FHAD1: variants seen among roughly 807,000 people sequenced by gnomAD.
FHAD1 encodes forkhead associated phosphopeptide binding domain 1, also known as forkhead-associated domain-containing protein 1.
A neutral mutation model predicts 191.3 loss-of-function variants in FHAD1; 146 were observed. The observed-to-expected ratio is 0.76, with a 90% CI of 0.67 to 0.88. The LOEUF is 0.88. Among genes scored for constraint, FHAD1 ranks in the 40% least tolerant of loss-of-function variants. The probability of loss-of-function intolerance (pLI) is 0.00; values close to 1 mark genes in which losing one functional copy is unlikely to be tolerated. For synonymous variants in FHAD1, 616 were observed against 672.3 expected, an observed-to-expected ratio of 0.92 and a Z score of 1.29; for missense variants, 1,635 against 1,785.8, an observed-to-expected ratio of 0.92 and a Z score of 1.52.
intron 21 of FHAD1, among the ~76,000 whole-genome samples, chr1:15,360,132 A>G (rs1270316349): frequency 1.3e-5 from 2 of 152,216 alleles, no homozygotes; most frequent in Non-Finnish European, 2.9e-5. Context: ...AACAACAACA[A>G]CAAAAAGTTT....
intron 14 of FHAD1, among the ~76,000 whole-genome samples, chr1:15,334,959 C>T (rs187750875): frequency 7.9e-5 from 12 of 152,202 alleles, no homozygotes; most frequent in African/African-American, 2.7e-4. Flanking sequence ...ACTCAGTCCA[C>T]GCCCCTCCAA....
chr1:15,307,813 C>G (rs999176502), intron 6 of FHAD1, among the ~76,000 whole-genome samples: 1 of 151,960 alleles, frequency 6.6e-6, no homozygotes, highest in African/African-American at 2.4e-5. Context: ...TCACTGCAAG[C>G]TCTGCCTCCC....
At position 15,341,823 on chromosome 1, in the gene FHAD1, G is replaced by C. The variant is rs12126178; in HGVS notation, c.2065G>C (p.Glu689Gln). The change falls in exon 16 of 34, where the codon GAG becomes CAG. Residue 689 changes from glutamate (E) to glutamine (Q), a missense_variant. By Grantham distance (29) the Glu-to-Gln change is conservative. Coordinates refer to ENST00000688493, the MANE Select transcript of FHAD1 (RefSeq NM_001391957.1). ...TCTGGCAGAGAAGGAGAAGCTGAAC[G>C]AGGAGAGGCTAGAGCAAGAGGAGAA... ...EHLAEKEKLNEERLEQEEKLK... is the reference protein window; with the variant it reads ...EHLAEKEKLNQERLEQEEKLK... The C allele has an allele frequency of 1.9e-6, 3 of 1,551,716 alleles. No individual in the cohort carries two copies. The highest frequency in any genetic ancestry group is 1.4e-5 in the African/African-American group (1 of 73,036).
intron 18 of FHAD1, among the ~76,000 whole-genome samples, chr1:15,348,693 G>T (rs942881823): frequency 9.2e-5 from 14 of 152,172 alleles, no homozygotes; most frequent in Non-Finnish European, 4.4e-5. Context: ...ATAGGAAGCT[G>T]CCCCCGCTGC....
At chr1:15,398,334 A>G (rs1195611950), downstream of FHAD1, among the ~76,000 whole-genome samples, 1 of 151,770 alleles carries the variant, frequency 6.6e-6, no homozygotes, top group Non-Finnish European at 1.5e-5. Context: ...AATCAGTTTT[A>G]TTGCTTCCAT....
chr1:15,377,161 A>T (rs1053710952), intron 28 of FHAD1, among the ~76,000 whole-genome samples: 1 of 152,250 alleles, frequency 6.6e-6, no homozygotes, highest in African/African-American at 2.4e-5. Context: ...CCGCAGCTGG[A>T]TCCACACCAC....
intron 12 of FHAD1, 57 bp from the exon 13 acceptor site, chr1:15,328,220 C>T (rs529254915): frequency 6.6e-5 from 92 of 1,386,768 alleles, no homozygotes; most frequent in Non-Finnish European, 8.7e-5. Context: ...CCTCAGGGCC[C>T]CCCACCCCTG....
At position 15,301,197 on chromosome 1, in the gene FHAD1, C is replaced by G; in HGVS notation, c.679-8C>G. 6.4e-7 allele frequency: 1 copy of G among 1,551,170 alleles called. No individual in the cohort carries two copies. Among genetic ancestry groups the G allele is most frequent in the Non-Finnish European group, 8.7e-7 (1 of 1,146,594 alleles). On this transcript the variant is annotated splice_region_variant and splice_polypyrimidine_tract_variant and intron_variant, in intron 5 of 33. Transcript: ENST00000688493. ...ACCTAGTAAGCCTCCCATCTGATCT[C>G]TACCCAGGATGAAATAATTCTGCTG... is the stretch of plus-strand genomic sequence containing the variant.
intron 2 of FHAD1, among the ~76,000 whole-genome samples, chr1:15,259,383 G>A (rs1040714160): frequency 2.2e-4 from 33 of 152,290 alleles, no homozygotes; most frequent in Admixed American, 1.8e-3. Context: ...GCTCAGAAAG[G>A]TTAAATAACT....
At chr1:15,367,425 G>A (rs1332928821) in intron 24 of FHAD1, 38 bp from the exon 25 acceptor site, 2 of 1,541,034 alleles carry the variant, frequency 1.3e-6, no homozygotes, top group Admixed American at 4.0e-5. Flanking sequence ...GAACCCGGGA[G>A]GCAGAGACCC....
intron 5 of FHAD1, among the ~76,000 whole-genome samples, chr1:15,297,723 C>T (rs1178582468): frequency 1.3e-5 from 2 of 152,288 alleles, no homozygotes; most frequent in African/African-American, 2.4e-5. Context: ...CAGCCGGTGG[C>T]GTGGCAGGGG....
intron 6 of FHAD1, chr1:15,305,823 A>C (rs535163151): frequency 2.3e-6 from 1 of 429,266 alleles, no homozygotes; most frequent in African/African-American, 2.1e-5. Context: ...TGGAACTGTA[A>C]GTCCAATTAA....
At chr1:15,334,414 C>G (rs1683128760) in intron 14 of FHAD1, 2 of 152,232 alleles carry the variant, frequency 1.3e-5, no homozygotes, top group African/African-American at 4.8e-5. Context: ...TAAACCGCAT[C>G]TGATTCCTAC....
At chr1:15,388,660 C>G (rs1427141293) in intron 32 of FHAD1, among the ~76,000 whole-genome samples, 1 of 152,008 alleles carries the variant, frequency 6.6e-6, no homozygotes, top group Non-Finnish European at 1.5e-5. Flanking sequence ...ACTTCTACCC[C>G]CGCCAAGGGG....
chr1:15,384,017 CAT>C (rs201192464), intron 31 of FHAD1: 22,409 of 263,970 alleles, frequency 0.085, 2,827 homozygotes, highest in African/African-American at 0.34. Flanking sequence ...TGTGTGTGCA[CAT>C]GTGTACCATG....
chr1:15,265,249 GT>G (rs1181214289), intron 2 of FHAD1, among the ~76,000 whole-genome samples: 7 of 152,202 alleles, frequency 4.6e-5, no homozygotes, highest in Non-Finnish European at 1.0e-4. Context: ...GTAAAGGGCT[GT>G]TTTGCAGATT....
Position 15,380,414 on chromosome 1 carries a change from C to T in FHAD1, c.3706-287C>T, listed in dbSNP as rs539589440. Among the ~76,000 whole-genome samples the T allele has an allele frequency of 1.3e-5, 2 of 152,276 alleles. 1 individual carries two copies. The highest frequency in any genetic ancestry group is 4.1e-4 in the South Asian group (2 of 4,820). ...AATGGCCCAGGGGAGGGGACAAAACCACCCCAATTGAGAACCACTGTTCTA... is the reference window on the plus strand; with the variant it reads ...AATGGCCCAGGGGAGGGGACAAAACTACCCCAATTGAGAACCACTGTTCTA... On this transcript the variant is annotated intron_variant, in intron 28 of 33. Coordinates refer to ENST00000688493, the MANE Select transcript of FHAD1 (RefSeq NM_001391957.1).
At position 15,276,820 on chromosome 1, in the gene FHAD1, AC is replaced by A. The variant is rs1658549631; in HGVS notation, c.300+4293del. Among the ~76,000 whole-genome samples the A allele has an allele frequency of 6.6e-6, 1 of 151,580 alleles. No individual in the cohort carries two copies. Among genetic ancestry groups the A allele is most frequent in the South Asian group, 2.1e-4 (1 of 4,806 alleles). ...AAAAAAAAAAGTATAGCCTAGGGCC[AC>A]CACCTTGCACAACTCCAGTCACCAT... On this transcript the variant is annotated intron_variant, in intron 3 of 33. Coordinates refer to ENST00000688493, the MANE Select transcript of FHAD1 (RefSeq NM_001391957.1). The surrounding 1 kb of genome is among the most constrained non-coding windows in gnomAD (Gnocchi z 4.7).
intron 23 of FHAD1, 24 bp downstream of exon 23, chr1:15,362,750 C>G (rs905703209): frequency 6.5e-7 from 1 of 1,536,296 alleles, no homozygotes; most frequent in African/African-American, 1.4e-5. Context: ...GGTGTGTGAG[C>G]GCCAGGCATT....
Sources: gnomAD v4.1 joint callset for allele counts (sites outside exome capture counted in the v4.1 genomes callset) on GRCh38, gnomAD v4.1.1 for gene constraint, Gnocchi (gnomAD v3.1) non-coding constraint, MANE v1.5 for transcripts, NCBI Gene and HGNC (gene_info 2026-07-23, HGNC 2026-07-21) for gene names.